Variants in DENND2A observed in about 807,000 individuals in gnomAD.
DENND2A encodes the protein DENN domain-containing protein 2A.
Under a neutral mutation model 105.3 loss-of-function variants are expected in DENND2A, and 53 were observed. The observed-to-expected ratio is 0.50, with a 90% confidence interval of 0.40 to 0.63. The LOEUF (loss-of-function observed/expected upper bound fraction) is 0.63, where lower values mean the gene tolerates loss of function less well. DENND2A is among the 30% of genes least tolerant of loss of function. The pLI is 0.00. For synonymous variants in DENND2A, 522 were observed against 508.4 expected (o/e 1.03, Z -0.36); for missense variants, 1,138 against 1,279.6 (o/e 0.89, Z 1.69).
At chr7:140,620,949 T>C (rs984308079) in intron 1 of DENND2A, among the ~76,000 whole-genome samples, 2 of 152,184 alleles carry the variant, frequency 1.3e-5, no homozygotes, top group African/African-American at 4.8e-5. Context: ...CACTCAGATA[T>C]CAACATTCAT....
intron 12 of DENND2A, among the ~76,000 whole-genome samples, chr7:140,550,318 G>A (rs1198049951): frequency 2.0e-5 from 3 of 151,798 alleles, no homozygotes; most frequent in Non-Finnish European, 4.4e-5. Flanking sequence ...TCAGCCTCCC[G>A]AGTAGCTGGG....
chr7:140,604,539 G>GGTT (rs1248508896), intron 2 of DENND2A, among the ~76,000 whole-genome samples: 3 of 152,222 alleles, frequency 2.0e-5, no homozygotes, highest in African/African-American at 7.2e-5. Flanking sequence ...TCTCACTGAG[G>GGTT]GTTCAAAAGG....
At chr7:140,569,283 T>C (rs1797994260) in intron 7 of DENND2A, among the ~76,000 whole-genome samples, 1 of 152,238 alleles carries the variant, frequency 6.6e-6, no homozygotes. Context: ...CTCGATGTAC[T>C]GCCAAATTAA....
Position 140,574,617 on chromosome 7 carries a change from A to G in DENND2A, c.1246-609T>C, listed in dbSNP as rs538099204. ...ACCCAAGACACATGGACTAGGGGTT[A>G]CAAGGCCTAAGCCTCACTTTGGCCT... On this transcript the variant is annotated intron_variant, in intron 5 of 19. Transcript: ENST00000496613. Among the ~76,000 whole-genome samples, 9 of 152,348 alleles carry G rather than the reference A, an allele frequency of 5.9e-5. No homozygotes were observed. In the East Asian group the frequency reaches 1.7e-3, roughly 29 times the overall value.
intron 12 of DENND2A, among the ~76,000 whole-genome samples, chr7:140,547,473 G>A (rs1295302245): frequency 6.6e-6 from 1 of 152,068 alleles, no homozygotes; most frequent in Non-Finnish European, 1.5e-5. Flanking sequence ...ATAAAAAGAT[G>A]GATAAGAACA....
intron 1 of DENND2A, among the ~76,000 whole-genome samples, chr7:140,611,089 A>G (rs1799880853): frequency 6.6e-6 from 1 of 152,296 alleles, no homozygotes; most frequent in South Asian, 2.1e-4. Context: ...CCTGTTGCCC[A>G]GGCTGGAGTG....
chr7:140,634,823 G>T (rs1800861195), intron 1 of DENND2A, among the ~76,000 whole-genome samples: 1 of 152,094 alleles, frequency 6.6e-6, no homozygotes, highest in African/African-American at 2.4e-5. Flanking sequence ...TGTGAGCTGA[G>T]ATCGCACCAC....
chr7:140,583,788 T>C (rs1193821795), intron 5 of DENND2A, among the ~76,000 whole-genome samples: 1 of 147,616 alleles, frequency 6.8e-6, no homozygotes, highest in Non-Finnish European at 1.5e-5. Flanking sequence ...TAGCCAGGCG[T>C]GGTGGCGGGC....
At chr7:140,529,070 A>C (rs1585557762) in intron 14 of DENND2A, among the ~76,000 whole-genome samples, 1 of 152,170 alleles carries the variant, frequency 6.6e-6, no homozygotes, top group African/African-American at 2.4e-5. Flanking sequence ...GCGCCATTGC[A>C]CTCCAGCCTG....
intron 3 of DENND2A, among the ~76,000 whole-genome samples, chr7:140,591,937 TCCCC>T: frequency 3.3e-5 from 1 of 29,954 alleles, no homozygotes; most frequent in Non-Finnish European, 5.5e-5. Flanking sequence ...TTCCCTCCCC[TCCCC>T]TCCCCCCTCC....
Position 140,525,784 on chromosome 7 carries a change from C to A in DENND2A, c.2514G>T (p.Val838=), listed in dbSNP as rs2130463159. ...LRELPLEEVL[V]VDLVNSRFLR... ...GGAACCGGCTGTTGACGAGGTCAAC[C>A]ACAAGGACCTATGAGATGAGACGAA... The change falls in exon 16 of 20, where the codon GTG becomes GTT. Residue 838 remains valine, a synonymous_variant. Transcript: ENST00000496613. 1 of 1,603,638 alleles carries A rather than the reference C, an allele frequency of 6.2e-7. No homozygotes were observed. Among genetic ancestry groups the A allele is most frequent in the South Asian group, 1.1e-5 (1 of 88,804 alleles).
intron 3 of DENND2A, among the ~76,000 whole-genome samples, chr7:140,594,864 T>C (rs1429602691): frequency 1.3e-5 from 2 of 152,106 alleles, no homozygotes; most frequent in Non-Finnish European, 2.9e-5. Flanking sequence ...TACAAGTGCG[T>C]GCCACCATGC....
chr7:140,590,895 A>AATAATAATAATAATAATAATAATAATAAT (rs775140274), intron 3 of DENND2A, among the ~76,000 whole-genome samples: 23 of 151,974 alleles, frequency 1.5e-4, no homozygotes, highest in African/African-American at 3.9e-4. Context: ...ATAATAATAA[A>AATAATAATAATAATAATAATAATAATAAT]AAAAAGGTCA....
intron 13 of DENND2A, 148 bp from the exon 14 acceptor site, chr7:140,544,914 G>C: frequency 7.2e-7 from 1 of 1,397,118 alleles, no homozygotes; most frequent in Non-Finnish European, 9.4e-7. Flanking sequence ...AAAACAAAAG[G>C]ATTGGGGGAA....
intron 1 of DENND2A, among the ~76,000 whole-genome samples, chr7:140,637,358 G>A (rs1236230510): frequency 6.6e-6 from 1 of 152,190 alleles, no homozygotes; most frequent in Non-Finnish European, 1.5e-5. Context: ...AAGTTTAAAG[G>A]GCACATTAGC....
intron 5 of DENND2A, among the ~76,000 whole-genome samples, chr7:140,574,695 C>G (rs931826237): frequency 2.0e-5 from 3 of 152,236 alleles, no homozygotes; most frequent in South Asian, 4.1e-4. Flanking sequence ...TTCTTTGGCC[C>G]TCAATATCTT....
intron 3 of DENND2A, among the ~76,000 whole-genome samples, chr7:140,596,033 C>CG (rs1799271137): frequency 1.3e-5 from 2 of 152,130 alleles, no homozygotes. Context: ...ATTCTGTTAT[C>CG]GGGTAACTCC....
Position 140,559,904 on chromosome 7 carries a change from C to G in DENND2A, c.1780-87G>C. The G allele has an allele frequency of 1.0e-6, 1 of 984,578 alleles. No homozygotes were observed. Among genetic ancestry groups the G allele is most frequent in the Admixed American group, 2.0e-5 (1 of 51,134 alleles). The allele number at this position is 984,578 out of a possible 1,614,324, so 61.0% of individuals were successfully genotyped here. A position where few individuals can be genotyped will look rare whatever the true frequency, so the allele number is the denominator to read the frequency against. On this transcript the variant is annotated intron_variant, in intron 9 of 19. Transcript: ENST00000496613. This position sits in a 1 kb window ranked among gnomAD's most constrained non-coding sequence, Gnocchi z 4.1. ...ATGATGGTAAGGATGGCCTCTCCCA[C>G]CTTTCCACATTTGTGACTGCCGCCT...
chr7:140,597,379 C>T (rs1799322155), intron 3 of DENND2A, among the ~76,000 whole-genome samples: 1 of 152,142 alleles, frequency 6.6e-6, no homozygotes, highest in African/African-American at 2.4e-5. Context: ...CTGCCAAATT[C>T]GTGGTACAGT....
Sources: gnomAD v4.1 joint callset for allele counts (sites outside exome capture counted in the v4.1 genomes callset) on GRCh38, gnomAD v4.1.1 for gene constraint, Gnocchi (gnomAD v3.1) non-coding constraint, MANE v1.5 for transcripts, NCBI Gene and HGNC (gene_info 2026-07-23, HGNC 2026-07-21) for gene names.